HECTD4: variants seen among roughly 807,000 people sequenced by gnomAD.
The protein encoded by HECTD4 is probable E3 ubiquitin-protein ligase HECTD4.
In HECTD4, 114 loss-of-function variants were observed where a neutral mutation model predicts 471.5. That is an observed-to-expected ratio of 0.24 (90% CI 0.21 to 0.28). The LOEUF (loss-of-function observed/expected upper bound fraction) is 0.28, where lower values mean the gene tolerates loss of function less well. HECTD4 is among the 10% of genes least tolerant of loss of function. The pLI is 1.00. For missense variants in HECTD4, 3,866 were observed against 5,651.5 expected (o/e 0.68, Z 10.13); for synonymous variants, 2,012 against 2,256.0 (o/e 0.89, Z 3.07).
intron 55 of HECTD4, among the ~76,000 whole-genome samples, chr12:112,197,962 A>C (rs1402891808): frequency 1.3e-5 from 2 of 152,070 alleles, no homozygotes; most frequent in African/African-American, 4.8e-5. Flanking sequence ...CAGCCTCCCG[A>C]GTAGCTGGGA....
At position 112,234,687 on chromosome 12, in the gene HECTD4, G is replaced by T. The variant is rs758442907; in HGVS notation, c.5915+390C>A. 5.3e-5 allele frequency among the ~76,000 whole-genome samples: 8 copies of T among 152,188 alleles called. 1 individual carries two copies. The South Asian group carries it at 8.3e-4, about 16-fold the overall frequency. ...TTCTCCAACTCACAGTCAATGAGTT[G>T]GAGTTTACCTAAATTTACCAACAGC... On this transcript the variant is annotated intron_variant, in intron 37 of 75. Transcript: ENST00000682272.
intron 7 of HECTD4, among the ~76,000 whole-genome samples, chr12:112,287,129 C>T (rs149906448): frequency 7.2e-5 from 11 of 152,274 alleles, no homozygotes; most frequent in Admixed American, 3.3e-4. Context: ...TTAGAAAGGC[C>T]TTATGTGCCC....
chr12:112,175,603 A>G, intron 66 of HECTD4, 133 bp downstream of exon 66: 2 of 1,131,774 alleles, frequency 1.8e-6, no homozygotes, highest in Non-Finnish European at 2.5e-6. Context: ...CTTAGGAAAA[A>G]ACTCAGAAAT....
At chr12:112,288,092 G>T (rs1378028903) in intron 7 of HECTD4, among the ~76,000 whole-genome samples, 1 of 151,958 alleles carries the variant, frequency 6.6e-6, no homozygotes, top group Non-Finnish European at 1.5e-5. Flanking sequence ...ACTTTGGGAG[G>T]CTGAAGCAGG....
chr12:112,183,174 T>C lies in HECTD4; in HGVS notation c.10872A>G (p.Glu3624=). 4 of 1,613,832 alleles carry C rather than the reference T, an allele frequency of 2.5e-6. No individual in the cohort carries two copies. The highest frequency in any genetic ancestry group is 3.4e-6 in the Non-Finnish European group (4 of 1,179,710). The change falls in exon 62 of 76, where the codon GAA becomes GAG. Residue 3624 remains glutamate, a synonymous_variant. Transcript: ENST00000682272. ...IGLSSLDGED[E]LMEMSTEEIL... Reference sequence around the variant, plus strand: ...TCTCTTCTGTTGACATTTCCATCAATTCATCTTCACCATCCAAACTTGACA... The same window carrying C: ...TCTCTTCTGTTGACATTTCCATCAACTCATCTTCACCATCCAAACTTGACA...
intron 1 of HECTD4, among the ~76,000 whole-genome samples, chr12:112,329,326 T>C (rs1291596473): frequency 6.6e-6 from 1 of 152,112 alleles, no homozygotes; most frequent in Non-Finnish European, 1.5e-5. Flanking sequence ...GAAAAGTGTT[T>C]TAGCTGTTTT....
At chr12:112,212,692 T>C in intron 48 of HECTD4, 42 bp from the exon 49 acceptor site, 1 of 1,541,834 alleles carries the variant, frequency 6.5e-7, no homozygotes, top group East Asian at 2.3e-5. Flanking sequence ...TTCTCCCTTT[T>C]ATTAAGTAAA....
intron 1 of HECTD4, among the ~76,000 whole-genome samples, chr12:112,323,947 C>CTTCTTTCT (rs140401737): frequency 1.5e-5 from 1 of 66,852 alleles, no homozygotes. Context: ...TACTGAGGTG[C>CTTCTTTCT]TTCTTTCTTT....
At chr12:112,300,117 C>G (rs923786172) in intron 7 of HECTD4, among the ~76,000 whole-genome samples, 5 of 152,014 alleles carry the variant, frequency 3.3e-5, no homozygotes, top group Admixed American at 6.6e-5. Context: ...GAGTTTGAGA[C>G]GAGGCTGGCC....
Position 112,302,124 on chromosome 12 carries a change from T to C in HECTD4, c.1335+3940A>G, listed in dbSNP as rs1214660257. The C allele has an allele frequency of 1.2e-5, 13 of 1,125,376 alleles. No homozygotes were observed. The East Asian group carries it at 3.1e-4, about 27-fold the overall frequency. The allele number at this position is 1,125,376 out of a possible 1,614,324, so 69.7% of individuals were successfully genotyped here. On this transcript the variant is annotated intron_variant, in intron 7 of 75. Coordinates refer to ENST00000682272, the MANE Select transcript of HECTD4 (RefSeq NM_001388303.1). ...CCCAGTCTTGCCTTCCCCTTGATAA[T>C]GCAGTAAGGGACTCCCATTTTACAA...
chr12:112,308,044 T>C (rs2035299831), intron 6 of HECTD4, among the ~76,000 whole-genome samples: 1 of 152,160 alleles, frequency 6.6e-6, no homozygotes, highest in Admixed American at 6.5e-5. Flanking sequence ...GCCTCACAGG[T>C]AGGAAGAGGA....
intron 32 of HECTD4, among the ~76,000 whole-genome samples, chr12:112,242,439 C>T (rs1473205819): frequency 6.6e-6 from 1 of 151,694 alleles, no homozygotes; most frequent in Non-Finnish European, 1.5e-5. Flanking sequence ...ATGGCAAGAC[C>T]CCATCTCTAC....
Position 112,381,907 on chromosome 12 carries a change from G to T in HECTD4, c.177+45C>A. On this transcript the variant is annotated intron_variant, in intron 1 of 75. Transcript: ENST00000682272. This position sits in a 1 kb window ranked among gnomAD's most constrained non-coding sequence, Gnocchi z 4.1. ...GGGGCCCGACCCGGGGGTGCCGGGCGAGTGGGTCAGTCCGATGGCGGGGGC... is the reference window on the plus strand; with the variant it reads ...GGGGCCCGACCCGGGGGTGCCGGGCTAGTGGGTCAGTCCGATGGCGGGGGC... 1 of 1,202,886 alleles carries T rather than the reference G, an allele frequency of 8.3e-7. No individual in the cohort carries two copies. 74.5% of individuals were successfully genotyped at this position (1,202,886 alleles called of 1,614,324 possible).
At position 112,362,093 on chromosome 12, in the gene HECTD4, C is replaced by T. The variant is rs77789599; in HGVS notation, c.177+19859G>A. 7.1e-3 allele frequency among the ~76,000 whole-genome samples: 1,078 copies of T among 152,264 alleles called. 16 individuals carry two copies. Among genetic ancestry groups the T allele is most frequent in the African/African-American group, 0.024 (1,013 of 41,546 alleles). ...TAGGAATTGTCAAACAGACTTGCAA[C>T]CAGAGGGCCTTTGAATTCATTACAA... On this transcript the variant is annotated intron_variant, in intron 1 of 75. Transcript: ENST00000682272.
chr12:112,173,742 G>A lies in HECTD4; in HGVS notation c.11595-881C>T, dbSNP rs1269157136. Among the ~76,000 whole-genome samples, 1 of 151,188 alleles carries A rather than the reference G, an allele frequency of 6.6e-6. No individual in the cohort carries two copies. Among genetic ancestry groups the A allele is most frequent in the Non-Finnish European group, 1.5e-5 (1 of 67,840 alleles). On this transcript the variant is annotated intron_variant, in intron 66 of 75. Transcript: ENST00000682272. The surrounding 1 kb of genome is among the most constrained non-coding windows in gnomAD (Gnocchi z 4.3). ...GATGGGGTCTCGTTGTGTTGCCCAG[G>A]CTGTTCTTGAAATCCTGGGCTCAAG... is the stretch of plus-strand genomic sequence containing the variant.
At chr12:112,165,932 A>C (rs2030937277) in intron 72 of HECTD4, among the ~76,000 whole-genome samples, 1 of 152,194 alleles carries the variant, frequency 6.6e-6, no homozygotes, top group Non-Finnish European at 1.5e-5. Flanking sequence ...GAGTCTCCTT[A>C]GTAGCAACCT....
chr12:112,169,385 G>T, intron 70 of HECTD4, 118 bp downstream of exon 70: 2 of 1,176,318 alleles, frequency 1.7e-6, no homozygotes, highest in Non-Finnish European at 2.3e-6. Flanking sequence ...GGCTTCTGCA[G>T]CACAAGTGCT....
intron 55 of HECTD4, among the ~76,000 whole-genome samples, chr12:112,195,500 C>A (rs57866673): frequency 0.091 from 13,897 of 152,110 alleles, 713 homozygotes; most frequent in East Asian, 0.23. Flanking sequence ...GTGAAAGACA[C>A]CAGATACAAA....
At chr12:112,218,764 T>A (rs890857401) in intron 45 of HECTD4, among the ~76,000 whole-genome samples, 1 of 152,244 alleles carries the variant, frequency 6.6e-6, no homozygotes, top group Middle Eastern at 3.4e-3. Context: ...GGACAGAGTC[T>A]TGCTCTGTCA....
Sources: allele counts gnomAD v4.1 joint callset (sites outside exome capture counted in the v4.1 genomes callset), GRCh38; gene constraint gnomAD v4.1.1; non-coding constraint Gnocchi (gnomAD v3.1); transcripts MANE v1.5; gene names NCBI Gene and HGNC (gene_info 2026-07-23, HGNC 2026-07-21).